The following CBFB variants were observed in gnomAD, a reference collection of about 807,000 sequenced individuals.
The protein encoded by CBFB is core-binding factor subunit beta.
CBFB carries 9 observed loss-of-function variants against 30.4 expected under a neutral mutation model. The ratio of observed to expected loss-of-function variants is 0.30; its 90% CI spans 0.18 to 0.52. The LOEUF (loss-of-function observed/expected upper bound fraction) is 0.52, where lower values mean the gene tolerates loss of function less well. Ranked by LOEUF, CBFB falls within the 20% of genes least tolerant of loss-of-function variation. The pLI is 0.97. For missense variants in CBFB, 170 were observed against 244.0 expected, an observed-to-expected ratio of 0.70 and a Z score of 2.02; for synonymous variants, 94 against 84.0, an observed-to-expected ratio of 1.12 and a Z score of -0.65.
At chr16:67,093,986 C>A (rs1430805860) in intron 5 of CBFB, among the ~76,000 whole-genome samples, 1 of 152,152 alleles carries the variant, frequency 6.6e-6, no homozygotes, top group East Asian at 1.9e-4. Flanking sequence ...TTTTACTGAA[C>A]CTAAATCTGT....
chr16:67,085,414 C>T (rs1961696249), intron 5 of CBFB, among the ~76,000 whole-genome samples: 1 of 150,630 alleles, frequency 6.6e-6, no homozygotes. Context: ...GGGTGATCTA[C>T]CTGCCTCAGC....
intron 4 of CBFB, among the ~76,000 whole-genome samples, chr16:67,073,542 T>C (rs1410043007): frequency 1.3e-5 from 2 of 152,172 alleles, no homozygotes; most frequent in African/African-American, 4.8e-5. Context: ...GGTCAGGAGT[T>C]CGAGACCAGC....
chr16:67,081,821 C>CT (rs576128198), intron 4 of CBFB, among the ~76,000 whole-genome samples: 4,925 of 142,436 alleles, frequency 0.035, 288 homozygotes, highest in African/African-American at 0.12. Context: ...GATGCTGTTT[C>CT]TTTTTTTTTT....
intron 4 of CBFB, among the ~76,000 whole-genome samples, chr16:67,080,805 G>A (rs1241296218): frequency 6.6e-6 from 1 of 152,122 alleles, no homozygotes; most frequent in Non-Finnish European, 1.5e-5. Flanking sequence ...TACCACATTT[G>A]TTAGCCTTAA....
rs549419285 is a variant in CBFB, at chr16:67,076,028, G to A, written c.400-6185G>A. On this transcript the variant is annotated intron_variant, in intron 4 of 5. Coordinates refer to ENST00000412916, the MANE Select transcript of CBFB (RefSeq NM_022845.3). ...GGGCAGATCACAAGGTCAGGAGTTC[G>A]AGACCACCTTGGCCAGTATGGTGAA... Among the ~76,000 whole-genome samples, 49 of 152,262 alleles carry A rather than the reference G, an allele frequency of 3.2e-4. 1 individual carries two copies. Among genetic ancestry groups the A allele is most frequent in the Middle Eastern group, 3.4e-3 (1 of 294 alleles).
At chr16:67,053,570 C>G (rs1960625400) in intron 3 of CBFB, among the ~76,000 whole-genome samples, 1 of 151,978 alleles carries the variant, frequency 6.6e-6, no homozygotes, top group South Asian at 2.1e-4. Flanking sequence ...ATGTCACTTT[C>G]AGATGCAGCT....
chr16:67,072,416 A>G (rs1157587353), intron 4 of CBFB, among the ~76,000 whole-genome samples: 2 of 151,752 alleles, frequency 1.3e-5, no homozygotes, highest in African/African-American at 2.4e-5. Flanking sequence ...TCTGTATCTA[A>G]TATTTTTCTG....
chr16:67,083,398 T>C (rs1597156454), intron 5 of CBFB, among the ~76,000 whole-genome samples: 1 of 151,480 alleles, frequency 6.6e-6, no homozygotes, highest in Non-Finnish European at 1.5e-5. Flanking sequence ...CAGGTTCAAG[T>C]GATTCTCCTG....
chr16:67,032,406 TTGAA>T (rs1472964173), intron 2 of CBFB, among the ~76,000 whole-genome samples: 1 of 152,192 alleles, frequency 6.6e-6, no homozygotes, highest in Non-Finnish European at 1.5e-5. Context: ...AGAAGGTAGA[TTGAA>T]TGCTGTGTGA....
chr16:67,067,248 C>T (rs983954175), intron 4 of CBFB, among the ~76,000 whole-genome samples: 9 of 150,474 alleles, frequency 6.0e-5, no homozygotes, highest in Admixed American at 2.0e-4. Flanking sequence ...TGGTGGCTCA[C>T]ACCTGTAATC....
chr16:67,041,896 CCTT>C (rs1192657365), intron 3 of CBFB, among the ~76,000 whole-genome samples: 2 of 149,544 alleles, frequency 1.3e-5, no homozygotes, highest in African/African-American at 4.9e-5. Context: ...ATCCTCCTGC[CCTT>C]CTTTTTTTTT....
At chr16:67,092,835 C>T (rs1416025108) in intron 5 of CBFB, among the ~76,000 whole-genome samples, 2 of 151,058 alleles carry the variant, frequency 1.3e-5, no homozygotes, top group Non-Finnish European at 2.9e-5. Flanking sequence ...GCCTCAGCCT[C>T]CCGAGTAGCT....
chr16:67,084,897 G>A (rs976047847), intron 5 of CBFB, among the ~76,000 whole-genome samples: 17 of 152,108 alleles, frequency 1.1e-4, no homozygotes, highest in African/African-American at 4.1e-4. Flanking sequence ...TTCTATGACT[G>A]AGTTTCCTCA....
At chr16:67,030,074 A>C in intron 2 of CBFB, 6 of 397,904 alleles carry the variant, frequency 1.5e-5, no homozygotes, top group East Asian at 4.7e-5. Context: ...GAGCCAGACT[A>C]AACAAGCGAA....
chr16:67,030,385 T>C (rs1452251780), intron 2 of CBFB, among the ~76,000 whole-genome samples: 1 of 152,066 alleles, frequency 6.6e-6, no homozygotes, highest in African/African-American at 2.4e-5. Context: ...CCCCATGTCC[T>C]GAGTAGGGCT....
chr16:67,095,447 G>A (rs1962018599), intron 5 of CBFB, among the ~76,000 whole-genome samples: 1 of 152,116 alleles, frequency 6.6e-6, no homozygotes. Context: ...AACCCAGGAG[G>A]CAGAGGTTGC....
At chr16:67,078,950 G>A (rs1267934269) in intron 4 of CBFB, among the ~76,000 whole-genome samples, 2 of 152,128 alleles carry the variant, frequency 1.3e-5, no homozygotes, top group Non-Finnish European at 2.9e-5. Context: ...GTGAGCCACC[G>A]CACCAGGCCC....
chr16:67,081,847 T>TTTTTTTCTTTC (rs1961566426), intron 4 of CBFB, among the ~76,000 whole-genome samples: 1 of 151,140 alleles, frequency 6.6e-6, no homozygotes. Flanking sequence ...TTTTTTCTTT[T>TTTTTTTCTTTC]CCTTTTTTTT....
chr16:67,084,287 T>A (rs570254775), intron 5 of CBFB, among the ~76,000 whole-genome samples: 1 of 152,194 alleles, frequency 6.6e-6, no homozygotes, highest in East Asian at 1.9e-4. Context: ...TTATAAACTT[T>A]GTATCAACAT....
Sources: allele counts gnomAD v4.1 joint callset (sites outside exome capture counted in the v4.1 genomes callset), GRCh38; gene constraint gnomAD v4.1.1; transcripts MANE v1.5; gene names NCBI Gene and HGNC (gene_info 2026-07-23, HGNC 2026-07-21).